Variants in SFMBT2 observed in about 807,000 individuals in gnomAD.
SFMBT2 encodes Scm like with four mbt domains 2, also known as scm-like with four MBT domains protein 2.
Under a neutral mutation model 110.1 loss-of-function variants are expected in SFMBT2, and 38 were observed. That is an observed-to-expected ratio of 0.35 (90% CI 0.27 to 0.45). SFMBT2 has a LOEUF of 0.45. Ranked by LOEUF, SFMBT2 falls within the 20% of genes least tolerant of loss-of-function variation. SFMBT2 has a pLI of 1.00. For synonymous variants in SFMBT2, 425 were observed against 425.4 expected (o/e 1.00, Z 0.01); for missense variants, 1,011 against 1,094.9 (o/e 0.92, Z 1.08).
chr10:7,231,117 C>T (rs890419992), intron 9 of SFMBT2, among the ~76,000 whole-genome samples: 3 of 151,622 alleles, frequency 2.0e-5, no homozygotes, highest in East Asian at 1.9e-4. Flanking sequence ...AAAAGTGTAA[C>T]GTGGCTGGAT....
intron 20 of SFMBT2, among the ~76,000 whole-genome samples, chr10:7,166,715 G>C (rs141013543): frequency 6.6e-6 from 1 of 152,178 alleles, no homozygotes; most frequent in Non-Finnish European, 1.5e-5. Flanking sequence ...GGTGCTGAAA[G>C]GGCTTCGAAC....
intron 7 of SFMBT2, among the ~76,000 whole-genome samples, chr10:7,256,439 C>T (rs1489523187): frequency 6.6e-6 from 1 of 152,224 alleles, no homozygotes; most frequent in Non-Finnish European, 1.5e-5. Context: ...GCTGTTAATT[C>T]CTCGCACTTT....
intron 1 of SFMBT2, among the ~76,000 whole-genome samples, chr10:7,394,077 A>C (rs562424445): frequency 2.0e-4 from 30 of 151,838 alleles, no homozygotes; most frequent in African/African-American, 7.2e-4. Flanking sequence ...ATCTCGGCTC[A>C]CTGCCTCCGC....
In SFMBT2 at chr10:7,161,091, G is replaced by A. The variant is rs1236752411; in HGVS notation, c.*2679C>T. On this transcript the variant is annotated 3_prime_UTR_variant, in exon 21 of 21. Transcript: ENST00000397167. ...AGAAACGCTGAAGTTAAACTGTCAG[G>A]GTGAAGGATACGGAGAGTCTTGGGC... 1 of 152,244 alleles carries A rather than the reference G, an allele frequency of 6.6e-6. No individual in the cohort carries two copies. Among genetic ancestry groups the A allele is most frequent in the African/African-American group, 2.4e-5 (1 of 41,454 alleles). 9.4% of individuals were successfully genotyped at this position (152,244 alleles called of 1,614,324 possible).
chr10:7,206,553 A>T (rs1839144506), intron 11 of SFMBT2: 1 of 985,352 alleles, frequency 1.0e-6, no homozygotes, highest in South Asian at 4.7e-5. Flanking sequence ...TGGCCTGTAG[A>T]CTTTGGCTAT....
chr10:7,306,119 T>C (rs1842686819), intron 4 of SFMBT2, among the ~76,000 whole-genome samples: 1 of 152,244 alleles, frequency 6.6e-6, no homozygotes, highest in Non-Finnish European at 1.5e-5. Flanking sequence ...ATTCAATTTA[T>C]GTTCATAGGG....
At chr10:7,224,934 A>G (rs1004864517) in intron 10 of SFMBT2, among the ~76,000 whole-genome samples, 2 of 152,246 alleles carry the variant, frequency 1.3e-5, no homozygotes, top group Admixed American at 1.3e-4. Flanking sequence ...TTTGAAAAAT[A>G]TAACTATATC....
chr10:7,291,613 T>A (rs1474424318), intron 4 of SFMBT2, among the ~76,000 whole-genome samples: 1 of 152,172 alleles, frequency 6.6e-6, no homozygotes, highest in Admixed American at 6.5e-5. Context: ...TGGCCAACAA[T>A]GCTCATGCAT....
intron 15 of SFMBT2, among the ~76,000 whole-genome samples, chr10:7,193,086 C>T (rs1588787348): frequency 1.3e-5 from 2 of 152,260 alleles, no homozygotes; most frequent in African/African-American, 4.8e-5. Context: ...GAAAATCAGG[C>T]GTTCTATTTC....
At chr10:7,387,915 C>T (rs1845658215) in intron 1 of SFMBT2, among the ~76,000 whole-genome samples, 1 of 149,968 alleles carries the variant, frequency 6.7e-6, no homozygotes, top group South Asian at 2.1e-4. Context: ...TCCCACTGCA[C>T]TCCAGCCTGG....
At chr10:7,362,172 T>G (rs1005899536) in intron 4 of SFMBT2, among the ~76,000 whole-genome samples, 25 of 152,190 alleles carry the variant, frequency 1.6e-4, no homozygotes, top group African/African-American at 6.0e-4. Flanking sequence ...TCCTTAATAC[T>G]TTTAATATGA....
intron 15 of SFMBT2, among the ~76,000 whole-genome samples, chr10:7,189,861 T>A (rs1479363954): frequency 6.6e-6 from 1 of 151,752 alleles, no homozygotes; most frequent in Non-Finnish European, 1.5e-5. Context: ...AAACACGCAC[T>A]ATCTTTTAAT....
chr10:7,346,058 C>T (rs971322388), intron 4 of SFMBT2, among the ~76,000 whole-genome samples: 2 of 152,182 alleles, frequency 1.3e-5, no homozygotes, highest in African/African-American at 4.8e-5. Flanking sequence ...CCTCACCCCC[C>T]CGAAATTCCC....
intron 11 of SFMBT2, among the ~76,000 whole-genome samples, chr10:7,216,965 C>T (rs1221283227): frequency 6.6e-6 from 1 of 152,138 alleles, no homozygotes; most frequent in Non-Finnish European, 1.5e-5. Context: ...AATATTCTTG[C>T]CAATAGGTGG....
chr10:7,172,001 A>G lies in SFMBT2; in HGVS notation c.2309T>C (p.Val770Ala). 6.4e-7 allele frequency: 1 copy of G among 1,561,454 alleles called. No homozygotes were observed. ...TGTCCTCTCTGGGGGTGGCCGGCGC[A>G]CGGGCTCTGAGCCGCTCCGCAGGGT... Reference protein sequence around the residue: ...AVTLRSGSEPVRRPPPERTRR... With the variant: ...AVTLRSGSEPARRPPPERTRR... The change falls in exon 19 of 21, where the codon GTG becomes GCG. Residue 770 changes from valine (V) to alanine (A), a missense_variant. Transcript: ENST00000397167. This position sits in a 1 kb window ranked among gnomAD's most constrained non-coding sequence, Gnocchi z 4.6.
At chr10:7,294,586 A>C (rs373850260) in intron 4 of SFMBT2, among the ~76,000 whole-genome samples, 1 of 152,230 alleles carries the variant, frequency 6.6e-6, no homozygotes, top group African/African-American at 2.4e-5. Flanking sequence ...CACTGTTACT[A>C]TAAAATTAAT....
At chr10:7,350,620 T>A (rs751704371) in intron 4 of SFMBT2, among the ~76,000 whole-genome samples, 6 of 152,252 alleles carry the variant, frequency 3.9e-5, no homozygotes, top group Non-Finnish European at 7.3e-5. Context: ...CTGTGTTGGT[T>A]TACGGCATTC....
chr10:7,186,475 A>ATATATATATATATATATATAT (rs1345076690), intron 16 of SFMBT2, among the ~76,000 whole-genome samples: 79 of 136,504 alleles, frequency 5.8e-4, no homozygotes, highest in Middle Eastern at 3.6e-3. Flanking sequence ...TATATATATA[A>ATATATATATATATATATATAT]AAATATTTTA....
At chr10:7,266,905 G>A (rs1841411415) in intron 7 of SFMBT2, among the ~76,000 whole-genome samples, 1 of 150,926 alleles carries the variant, frequency 6.6e-6, no homozygotes, top group East Asian at 1.9e-4. Flanking sequence ...GGTCCTCACA[G>A]AGGGGGCTCG....
Sources: allele counts gnomAD v4.1 joint callset (sites outside exome capture counted in the v4.1 genomes callset), GRCh38; gene constraint gnomAD v4.1.1; non-coding constraint Gnocchi (gnomAD v3.1); transcripts MANE v1.5; gene names NCBI Gene and HGNC (gene_info 2026-07-23, HGNC 2026-07-21).